AGBL4: variants seen among roughly 807,000 people sequenced by gnomAD.
AGBL4 encodes AGBL carboxypeptidase 4.
A neutral mutation model predicts 66.4 loss-of-function variants in AGBL4; 58 were observed. That is an observed-to-expected ratio of 0.87 (90% CI 0.71 to 1.09). The LOEUF (loss-of-function observed/expected upper bound fraction) is 1.09, where lower values mean the gene tolerates loss of function less well. Among genes scored for constraint, AGBL4 ranks in the 50% least tolerant of loss-of-function variants. The pLI, the probability that AGBL4 is intolerant of heterozygous loss-of-function variation, is 0.00. For missense variants in AGBL4, 579 were observed against 631.0 expected (o/e 0.92, Z 0.88); for synonymous variants, 234 against 222.9 (o/e 1.05, Z -0.44).
At chr1:48,808,248 A>G (rs561506428) in intron 6 of AGBL4, among the ~76,000 whole-genome samples, 1 of 152,320 alleles carries the variant, frequency 6.6e-6, no homozygotes, top group East Asian at 1.9e-4. Flanking sequence ...AGGGAAGATT[A>G]TTCTTTTATA....
intron 4 of AGBL4, among the ~76,000 whole-genome samples, chr1:49,102,208 G>A (rs772278612): frequency 1.3e-5 from 2 of 152,136 alleles, no homozygotes; most frequent in African/African-American, 2.4e-5. Context: ...AGACTATCTT[G>A]TGGATCCAAA....
intron 3 of AGBL4, among the ~76,000 whole-genome samples, chr1:49,532,248 C>T (rs1651198855): frequency 6.6e-6 from 1 of 152,028 alleles, no homozygotes; most frequent in Admixed American, 6.6e-5. Context: ...TAAAACAATT[C>T]CTGAAATATA....
chr1:49,140,772 A>C (rs57938665), intron 4 of AGBL4, among the ~76,000 whole-genome samples: 31 of 152,354 alleles, frequency 2.0e-4, no homozygotes, highest in African/African-American at 7.2e-4. Context: ...TATGACATGT[A>C]TCCAGATCTT....
intron 4 of AGBL4, among the ~76,000 whole-genome samples, chr1:49,234,882 T>C (rs1650596268): frequency 6.6e-6 from 1 of 152,214 alleles, no homozygotes; most frequent in Non-Finnish European, 1.5e-5. Flanking sequence ...GTTCTGGCTC[T>C]GCCCCTGACT....
chr1:49,910,239 G>A (rs1650682725), intron 1 of AGBL4, among the ~76,000 whole-genome samples: 1 of 152,206 alleles, frequency 6.6e-6, no homozygotes. Flanking sequence ...AGCCAAGAGA[G>A]TGGTCTCAGA....
chr1:49,757,584 T>C (rs1273492221), intron 2 of AGBL4, among the ~76,000 whole-genome samples: 3 of 152,122 alleles, frequency 2.0e-5, no homozygotes, highest in Admixed American at 1.3e-4. Flanking sequence ...ATATGGACAA[T>C]GAAGTCCAGG....
intron 3 of AGBL4, among the ~76,000 whole-genome samples, chr1:49,353,927 C>T (rs1458469837): frequency 6.6e-6 from 1 of 152,156 alleles, no homozygotes. Context: ...GAGCCACCTC[C>T]ATCACTCAAT....
intron 2 of AGBL4, among the ~76,000 whole-genome samples, chr1:49,725,467 G>A (rs910137914): frequency 3.9e-5 from 6 of 152,104 alleles, no homozygotes; most frequent in Admixed American, 2.6e-4. Flanking sequence ...GCAGGTTGTG[G>A]TTTCGCTGAT....
chr1:49,446,887 C>T (rs1373366192), intron 3 of AGBL4, among the ~76,000 whole-genome samples: 1 of 152,214 alleles, frequency 6.6e-6, no homozygotes, highest in East Asian at 1.9e-4. Flanking sequence ...CAGCCTCAGG[C>T]ATGCTGCTCT....
intron 3 of AGBL4, among the ~76,000 whole-genome samples, chr1:49,502,633 A>G (rs1445151514): frequency 6.6e-6 from 1 of 152,118 alleles, no homozygotes; most frequent in Admixed American, 6.5e-5. Flanking sequence ...GAAAATGCTG[A>G]TAGAAATATG....
intron 5 of AGBL4, among the ~76,000 whole-genome samples, chr1:48,963,900 T>C (rs1488064804): frequency 1.3e-5 from 2 of 152,242 alleles, no homozygotes; most frequent in Non-Finnish European, 2.9e-5. Context: ...CATTCAATCA[T>C]TCACCAAACA....
At chr1:49,672,261 A>T (rs1416590102) in intron 3 of AGBL4, among the ~76,000 whole-genome samples, 1 of 152,036 alleles carries the variant, frequency 6.6e-6, no homozygotes, top group Non-Finnish European at 1.5e-5. Context: ...TCATGTTCTC[A>T]CTTATAAGTG....
intron 7 of AGBL4, among the ~76,000 whole-genome samples, chr1:48,656,875 C>T (rs998642106): frequency 3.3e-5 from 5 of 152,256 alleles, no homozygotes; most frequent in Middle Eastern, 3.4e-3. Context: ...GTACTATGTT[C>T]ACTACTTGGG....
intron 3 of AGBL4, among the ~76,000 whole-genome samples, chr1:49,574,147 G>T (rs1023777823): frequency 1.3e-5 from 2 of 152,136 alleles, no homozygotes; most frequent in Non-Finnish European, 2.9e-5. Context: ...CAATGATGAG[G>T]TGTGCTACAC....
At chr1:48,998,741 T>C (rs774581682) in intron 5 of AGBL4, among the ~76,000 whole-genome samples, 2 of 152,230 alleles carry the variant, frequency 1.3e-5, no homozygotes, top group African/African-American at 2.4e-5. Context: ...GCTGCCAGTG[T>C]AGACTGCTCA....
At chr1:49,885,398 T>C (rs187290883) in intron 1 of AGBL4, among the ~76,000 whole-genome samples, 157 of 152,100 alleles carry the variant, frequency 1.0e-3, no homozygotes, top group Non-Finnish European at 1.4e-3. Flanking sequence ...CTAGTACCCA[T>C]TATATAGCTT....
intron 4 of AGBL4, among the ~76,000 whole-genome samples, chr1:49,214,846 G>A (rs979493701): frequency 6.6e-6 from 1 of 152,116 alleles, no homozygotes; most frequent in East Asian, 1.9e-4. Context: ...GGAGTATCAA[G>A]TATATTTGTT....
intron 3 of AGBL4, among the ~76,000 whole-genome samples, chr1:49,480,957 C>T (rs1381459847): frequency 2.0e-5 from 3 of 151,846 alleles, no homozygotes; most frequent in African/African-American, 7.3e-5. Flanking sequence ...AGGTATGTGG[C>T]CTTATTTCTA....
chr1:48,847,373 GA>G (rs1376238061), intron 6 of AGBL4, among the ~76,000 whole-genome samples: 1 of 141,028 alleles, frequency 7.1e-6, no homozygotes, highest in Non-Finnish European at 1.5e-5. Context: ...CAAGGTCAAA[GA>G]AGGCACTTTC....
Sources: gnomAD v4.1 joint callset for allele counts (sites outside exome capture counted in the v4.1 genomes callset) on GRCh38, gnomAD v4.1.1 for gene constraint, MANE v1.5 for transcripts, NCBI Gene and HGNC (gene_info 2026-07-23, HGNC 2026-07-21) for gene names.